Variants in CA8 observed in about 807,000 individuals in gnomAD.
CA8 encodes carbonic anhydrase-related protein.
In CA8, 22 loss-of-function variants were observed where a neutral mutation model predicts 41.4. That is an observed-to-expected ratio of 0.53 (90% confidence interval 0.38 to 0.76). CA8 has a LOEUF of 0.76. Among genes scored for constraint, CA8 ranks in the 30% least tolerant of loss-of-function variants. The pLI is 0.00. For synonymous variants in CA8, 121 were observed against 130.6 expected (o/e 0.93, Z 0.50); for missense variants, 270 against 352.8 (o/e 0.77, Z 1.88).
intron 7 of CA8, among the ~76,000 whole-genome samples, chr8:60,216,947 A>G (rs1807041515): frequency 1.3e-5 from 2 of 152,108 alleles, no homozygotes; most frequent in Non-Finnish European, 2.9e-5. Flanking sequence ...GGAGTGGTAC[A>G]GTCTCGGTTC....
chr8:60,211,690 A>G (rs1806840972), intron 7 of CA8, among the ~76,000 whole-genome samples: 1 of 152,210 alleles, frequency 6.6e-6, no homozygotes, highest in Non-Finnish European at 1.5e-5. Flanking sequence ...CTCTCAGAGA[A>G]AACTATTTCA....
At chr8:60,252,990 G>A (rs1808503652) in intron 3 of CA8, among the ~76,000 whole-genome samples, 1 of 152,076 alleles carries the variant, frequency 6.6e-6, no homozygotes, top group South Asian at 2.1e-4. Context: ...AGCACTTCGG[G>A]AGGCTGAGGC....
intron 3 of CA8, among the ~76,000 whole-genome samples, chr8:60,233,176 T>C (rs925713841): frequency 2.0e-5 from 3 of 152,250 alleles, no homozygotes; most frequent in African/African-American, 7.2e-5. Flanking sequence ...ACCTTCTGCC[T>C]AGAATATTAC....
intron 8 of CA8, among the ~76,000 whole-genome samples, chr8:60,201,190 G>A (rs1219232201): frequency 6.6e-6 from 1 of 152,180 alleles, no homozygotes; most frequent in Non-Finnish European, 1.5e-5. Context: ...ATTCAATATT[G>A]TATATGTTGA....
intron 3 of CA8, among the ~76,000 whole-genome samples, chr8:60,261,953 G>C (rs10109065): frequency 6.6e-6 from 1 of 151,704 alleles, no homozygotes; most frequent in Non-Finnish European, 1.5e-5. Flanking sequence ...CTCATGATCC[G>C]CCCGCCTCGG....
chr8:60,232,443 G>T, intron 3 of CA8, 64 bp from the exon 4 acceptor site: 1 of 1,084,830 alleles, frequency 9.2e-7, no homozygotes, highest in Non-Finnish European at 1.4e-6. Context: ...TAAAAGCAAA[G>T]ATATAGCCAT....
Position 60,187,361 on chromosome 8 carries a change from T to G in CA8, c.*2660A>C, listed in dbSNP as rs191397604. The G allele has an allele frequency of 7.2e-5, 11 of 152,222 alleles. No homozygotes were observed. In the East Asian group the frequency reaches 1.7e-3, roughly 24 times the overall value. 9.4% of individuals were successfully genotyped at this position (152,222 alleles called of 1,614,324 possible). ...AGGAAAATTTATAACTGTTAATGCCTTTATTCAAAAAAGAATTCAAATCAA... is the reference window on the plus strand; with the variant it reads ...AGGAAAATTTATAACTGTTAATGCCGTTATTCAAAAAAGAATTCAAATCAA... On this transcript the variant is annotated 3_prime_UTR_variant, in exon 9 of 9. Transcript: ENST00000317995.
At chr8:60,204,869 T>C (rs1215728400) in intron 8 of CA8, among the ~76,000 whole-genome samples, 1 of 152,150 alleles carries the variant, frequency 6.6e-6, no homozygotes, top group Non-Finnish European at 1.5e-5. Context: ...TCATTCAGAG[T>C]GAACATTCTC....
rs182830894 is a variant in CA8, at chr8:60,187,124, A to G, written c.*2897T>C. On this transcript the variant is annotated 3_prime_UTR_variant, in exon 9 of 9. Coordinates refer to ENST00000317995, the MANE Select transcript of CA8 (RefSeq NM_004056.6). The stretch of plus-strand genomic sequence containing the variant: ...GATAAATTTAAGACTGAGATCATAT[A>G]AAGTATGTTTTCTGATCACAACAGA... Among the ~76,000 whole-genome samples the G allele has an allele frequency of 3.2e-4, 48 of 152,220 alleles. No homozygotes were observed. Among genetic ancestry groups the G allele is most frequent in the African/African-American group, 1.1e-3 (45 of 41,584 alleles).
chr8:60,280,671 C>A (rs1804384194), intron 1 of CA8, among the ~76,000 whole-genome samples: 3 of 152,260 alleles, frequency 2.0e-5, no homozygotes. Context: ...GAATTCTTCA[C>A]GCTAACACTG....
At chr8:60,268,971 T>A (rs1459024251) in intron 2 of CA8, among the ~76,000 whole-genome samples, 1 of 152,196 alleles carries the variant, frequency 6.6e-6, no homozygotes, top group Non-Finnish European at 1.5e-5. Context: ...GAGGTGGCTG[T>A]CAGCCAGGAA....
chr8:60,268,258 T>C (rs1803962413), intron 2 of CA8, among the ~76,000 whole-genome samples: 1 of 151,868 alleles, frequency 6.6e-6, no homozygotes, highest in African/African-American at 2.4e-5. Context: ...GAAAGAGGAT[T>C]CTTAAAACTC....
intron 4 of CA8, among the ~76,000 whole-genome samples, chr8:60,228,962 G>C (rs937313678): frequency 6.6e-6 from 1 of 152,138 alleles, no homozygotes; most frequent in African/African-American, 2.4e-5. Context: ...AGCAAGTACT[G>C]ATGATAATCT....
chr8:60,205,931 TCTGA>T (rs1434309890), intron 8 of CA8, among the ~76,000 whole-genome samples: 1 of 152,240 alleles, frequency 6.6e-6, no homozygotes, highest in Non-Finnish European at 1.5e-5. Context: ...AAATTCAAAG[TCTGA>T]CTGTCAAATC....
intron 3 of CA8, among the ~76,000 whole-genome samples, chr8:60,263,120 A>C (rs6471856): frequency 0.51 from 76,925 of 151,892 alleles, 21,516 homozygotes; most frequent in African/African-American, 0.77. Flanking sequence ...ACGGGCAGAT[A>C]ACCTGAGGTC....
At chr8:60,230,074 G>T (rs1173690709) in intron 4 of CA8, among the ~76,000 whole-genome samples, 3 of 152,096 alleles carry the variant, frequency 2.0e-5, no homozygotes, top group Non-Finnish European at 4.4e-5. Flanking sequence ...CCACACCCAC[G>T]TTTTCTTTGC....
Position 60,253,934 on chromosome 8 carries a change from T to C in CA8, c.417+11991A>G, listed in dbSNP as rs191891030. On this transcript the variant is annotated intron_variant, in intron 3 of 8. Coordinates refer to ENST00000317995, the MANE Select transcript of CA8 (RefSeq NM_004056.6). ...TTTCATATATAGTAGCCACAGTAGC[T>C]TTTGAATAGGCCTGCCACACCATGG... Among the ~76,000 whole-genome samples the C allele has an allele frequency of 7.3e-3, 1,112 of 152,266 alleles. 4 individuals carry two copies. The highest frequency in any genetic ancestry group is 0.041 in the Middle Eastern group (12 of 294).
chr8:60,219,944 A>AC (rs1554520118), intron 7 of CA8, among the ~76,000 whole-genome samples: 9 of 66,532 alleles, frequency 1.4e-4, no homozygotes, highest in Non-Finnish European at 8.1e-5. Flanking sequence ...AAAAAAAAAA[A>AC]AAAAAAAAAC....
chr8:60,200,916 T>C (rs536071926), intron 8 of CA8, among the ~76,000 whole-genome samples: 1 of 146,984 alleles, frequency 6.8e-6, no homozygotes, highest in East Asian at 1.9e-4. Context: ...GTATTTATTA[T>C]CTTGTATTTA....
Sources: gnomAD v4.1 joint callset for allele counts (sites outside exome capture counted in the v4.1 genomes callset) on GRCh38, gnomAD v4.1.1 for gene constraint, MANE v1.5 for transcripts, NCBI Gene and HGNC (gene_info 2026-07-23, HGNC 2026-07-21) for gene names.